Variants in MAP3K14 observed in about 807,000 individuals in gnomAD.
MAP3K14 encodes the protein mitogen-activated protein kinase kinase kinase 14, also known as NF-kappa-beta-inducing kinase.
Under a neutral mutation model 99.2 loss-of-function variants are expected in MAP3K14, and 16 were observed. The observed-to-expected ratio is 0.16, with a 90% CI of 0.11 to 0.24. The LOEUF (loss-of-function observed/expected upper bound fraction) is 0.24. Ranked by LOEUF, MAP3K14 falls within the 10% of genes least tolerant of loss-of-function variation. MAP3K14 has a pLI of 1.00. For synonymous variants in MAP3K14, 462 were observed against 492.4 expected (o/e 0.94, Z 0.82); for missense variants, 784 against 1,208.7 (o/e 0.65, Z 5.21).
chr17:45,266,293 G>A, intron 14 of MAP3K14: 1 of 432,008 alleles, frequency 2.3e-6, no homozygotes, highest in Non-Finnish European at 4.1e-6. Context: ...AACCTTCTGG[G>A]ACTCCATCAA....
intron 1 of MAP3K14, among the ~76,000 whole-genome samples, chr17:45,308,870 T>G (rs2044449880): frequency 6.6e-6 from 1 of 152,162 alleles, no homozygotes; most frequent in African/African-American, 2.4e-5. Context: ...TCTCACCATG[T>G]TGGCCAGGCT....
At chr17:45,297,019 C>T (rs534481899) in intron 1 of MAP3K14, among the ~76,000 whole-genome samples, 3 of 152,302 alleles carry the variant, frequency 2.0e-5, no homozygotes, top group Middle Eastern at 3.4e-3. Context: ...TTAATGCATT[C>T]CACACCAACC....
intron 1 of MAP3K14, among the ~76,000 whole-genome samples, chr17:45,304,846 T>G (rs554101559): frequency 6.6e-6 from 1 of 152,288 alleles, no homozygotes; most frequent in African/African-American, 2.4e-5. Context: ...TGTGTGACCA[T>G]GGGCAGGTCA....
At chr17:45,301,570 T>C (rs990284273) in intron 1 of MAP3K14, among the ~76,000 whole-genome samples, 4 of 152,150 alleles carry the variant, frequency 2.6e-5, no homozygotes, top group Non-Finnish European at 1.5e-5. Flanking sequence ...GGAACATCCA[T>C]TAAAAATGTT....
In MAP3K14 at chr17:45,289,143, C is replaced by CG. The variant is rs2044291264; in HGVS notation, c.326+92dup. The CG allele has an allele frequency of 4.5e-6, 5 of 1,106,118 alleles. No individual in the cohort carries two copies. The South Asian group carries it at 6.8e-5, about 15-fold the overall frequency. The allele number at this position is 1,106,118 out of a possible 1,614,324, so 68.5% of individuals were successfully genotyped here. On this transcript the variant is annotated intron_variant, in intron 3 of 15. Coordinates refer to ENST00000344686, the MANE Select transcript of MAP3K14 (RefSeq NM_003954.5). ...ACCACAGGTGCTGAGGGAGGGAGCC[C>CG]GGGGTCAGCAGGAGCGGCCCAGGCA... is the stretch of plus-strand genomic sequence containing the variant.
At chr17:45,295,862 G>A (rs1166810185) in intron 1 of MAP3K14, among the ~76,000 whole-genome samples, 3 of 152,194 alleles carry the variant, frequency 2.0e-5, no homozygotes, top group Non-Finnish European at 4.4e-5. Flanking sequence ...GCTACTAAAA[G>A]CCATCACTGA....
chr17:45,284,240 G>A (rs1248298247), intron 6 of MAP3K14, among the ~76,000 whole-genome samples: 5 of 152,242 alleles, frequency 3.3e-5, no homozygotes, highest in African/African-American at 9.6e-5. Context: ...GACCTGGTCT[G>A]ATTCAGGGCT....
rs966864001 is a variant in MAP3K14, at chr17:45,288,871, G to GC, written c.326+364dup. ...TTTCTCCCATAGAGGACAGTGGAAGGCCCCCCCCACCAACCCGGCCTGCGC... is the reference window on the plus strand; with the variant it reads ...TTTCTCCCATAGAGGACAGTGGAAGGCCCCCCCCCACCAACCCGGCCTGCGC... On this transcript the variant is annotated intron_variant, in intron 3 of 15. Coordinates refer to ENST00000344686, the MANE Select transcript of MAP3K14 (RefSeq NM_003954.5). Among the ~76,000 whole-genome samples, 128 of 151,622 alleles carry GC rather than the reference G, an allele frequency of 8.4e-4. 1 individual carries two copies. The highest frequency in any genetic ancestry group is 1.3e-3 in the Non-Finnish European group (89 of 67,830).
intron 1 of MAP3K14, among the ~76,000 whole-genome samples, chr17:45,295,271 A>G (rs1296929016): frequency 4.6e-5 from 7 of 151,904 alleles, no homozygotes; most frequent in Non-Finnish European, 1.0e-4. Flanking sequence ...GTCAAATGAA[A>G]TCATACCTCA....
Position 45,279,692 on chromosome 17 carries a change from G to C in MAP3K14, c.1291-5099C>G, listed in dbSNP as rs546926839. 1.5e-4 allele frequency among the ~76,000 whole-genome samples: 23 copies of C among 152,028 alleles called. 1 individual carries two copies. In the East Asian group the frequency reaches 4.4e-3, roughly 29 times the overall value. On this transcript the variant is annotated intron_variant, in intron 6 of 15. Coordinates refer to ENST00000344686, the MANE Select transcript of MAP3K14 (RefSeq NM_003954.5). ...CCCACCTCGGCCTCCCAAAGTGCTGGGATTACAGACGTGAGCCACCGCACC... is the reference window on the plus strand; with the variant it reads ...CCCACCTCGGCCTCCCAAAGTGCTGCGATTACAGACGTGAGCCACCGCACC...
Position 45,286,088 on chromosome 17 carries a change from T to G in MAP3K14, c.1152+343A>C, listed in dbSNP as rs977552228. 1.3e-5 allele frequency among the ~76,000 whole-genome samples: 2 copies of G among 151,122 alleles called. No individual in the cohort carries two copies. Among genetic ancestry groups the G allele is most frequent in the African/African-American group, 4.9e-5 (2 of 41,178 alleles). ...AAGAGGAAAAAGGGAAGGAGGTGGG[T>G]GGTGAAAACAGGTCCCATCCTCATC... On this transcript the variant is annotated intron_variant, in intron 5 of 15. Coordinates refer to ENST00000344686, the MANE Select transcript of MAP3K14 (RefSeq NM_003954.5). The surrounding 1 kb of genome is among the most constrained non-coding windows in gnomAD (Gnocchi z 4.1).
At chr17:45,269,310 C>G (rs569900787) in intron 11 of MAP3K14, among the ~76,000 whole-genome samples, 1 of 152,286 alleles carries the variant, frequency 6.6e-6, no homozygotes, top group African/African-American at 2.4e-5. Flanking sequence ...CTGCTCCCGG[C>G]CTGTCTTTAT....
Position 45,287,179 on chromosome 17 carries a change from TGCTCAGGGG to T in MAP3K14, c.503_511del (p.Thr168_Gln171delinsLys). ...CTGCACTGGGATGGTGCAGCTCTCCTGCTCAGGGGTCCTGGGGAGGGGTTTGGCCAAGGC... is the reference window on the plus strand; with the variant it reads ...CTGCACTGGGATGGTGCAGCTCTCCTTCCTGGGGAGGGGTTTGGCCAAGGC... On this transcript the variant is annotated inframe_deletion, in exon 4 of 16. Coordinates refer to ENST00000344686, the MANE Select transcript of MAP3K14 (RefSeq NM_003954.5). 1 of 1,613,874 alleles carries T rather than the reference TGCTCAGGGG, an allele frequency of 6.2e-7. No individual in the cohort carries two copies. The highest frequency in any genetic ancestry group is 8.5e-7 in the Non-Finnish European group (1 of 1,179,804).
In MAP3K14 at chr17:45,290,562, T is replaced by A; in HGVS notation, c.184A>T (p.Ile62Phe). Reference protein sequence around the residue: ...CGKWEILNDVITKGTAKEGSE... With the variant: ...CGKWEILNDVFTKGTAKEGSE... Reference sequence around the variant, plus strand: ...CCTTCCTTGGCTGTGCCCTTGGTAATCACGTCATTCAGGATCTCCCACTTT... The same window carrying A: ...CCTTCCTTGGCTGTGCCCTTGGTAAACACGTCATTCAGGATCTCCCACTTT... The change falls in exon 2 of 16, where the codon ATT (isoleucine) becomes TTT (phenylalanine). Residue 62 changes from isoleucine (I) to phenylalanine (F), a missense_variant. By Grantham distance (21) the Ile-to-Phe change is conservative. Coordinates refer to ENST00000344686, the MANE Select transcript of MAP3K14 (RefSeq NM_003954.5). The A allele has an allele frequency of 6.2e-7, 1 of 1,613,858 alleles. No individual in the cohort carries two copies. Among genetic ancestry groups the A allele is most frequent in the Non-Finnish European group, 8.5e-7 (1 of 1,179,884 alleles).
rs113136467 is a variant in MAP3K14, at chr17:45,265,272, C to T, written c.2579-9G>A. ...TATTTGGACTTTCACACCTAGAAGG[C>T]GGACAAGGTGATAGTCAGGAGAGCG... On this transcript the variant is annotated splice_polypyrimidine_tract_variant and intron_variant, in intron 14 of 15. Transcript: ENST00000344686. 2.6e-5 allele frequency: 41 copies of T among 1,586,370 alleles called. No homozygotes were observed. The highest frequency in any genetic ancestry group is 8.3e-5 in the Admixed American group (5 of 59,966).
chr17:45,303,839 C>T (rs2044409454), intron 1 of MAP3K14, among the ~76,000 whole-genome samples: 1 of 151,444 alleles, frequency 6.6e-6, no homozygotes, highest in African/African-American at 2.4e-5. Context: ...GCCTCGGCCT[C>T]CCAAAGTGCT....
Position 45,267,660 on chromosome 17 carries a change from C to G in MAP3K14, c.2072G>C (p.Arg691Thr), listed in dbSNP as rs538625946. 1 of 1,613,826 alleles carries G rather than the reference C, an allele frequency of 6.2e-7. No homozygotes were observed. The highest frequency in any genetic ancestry group is 2.2e-5 in the East Asian group (1 of 44,878). ...NYHQTLHAQP[R>T]ELSPRAPGPR... ...CCCTGGGGCCCTTGGCGAAAGCTCT[C>G]TCGGCTGGGCATGGAGGGTCTGGTG... Residue 691 changes from arginine to threonine, a missense_variant, in exon 12 of 16, where the codon AGA (arginine) becomes ACA (threonine). Arg to Thr is a moderately conservative substitution (Grantham distance 71, BLOSUM62 -1). Around this residue, in one of 5 missense-constraint regions of MAP3K14, gnomAD observed 128 missense variants for 143.3 expected, o/e 0.89. Coordinates refer to ENST00000344686, the MANE Select transcript of MAP3K14 (RefSeq NM_003954.5). This position sits in a 1 kb window ranked among gnomAD's most constrained non-coding sequence, Gnocchi z 5.1.
intron 1 of MAP3K14, among the ~76,000 whole-genome samples, chr17:45,299,387 T>G (rs1429050491): frequency 6.6e-6 from 1 of 151,820 alleles, no homozygotes; most frequent in East Asian, 1.9e-4. Context: ...ACTGTGTCTT[T>G]ATGAAAATAA....
rs552188652 is a variant in MAP3K14, at chr17:45,283,843, C to T, written c.1290+969G>A. On this transcript the variant is annotated intron_variant, in intron 6 of 15. Coordinates refer to ENST00000344686, the MANE Select transcript of MAP3K14 (RefSeq NM_003954.5). ...GGGCCAAGGGGATGGTCCACAGAAA[C>T]GCGCCTTAGGTCCTGGTGCTGGCTT... Among the ~76,000 whole-genome samples the T allele has an allele frequency of 1.6e-4, 24 of 152,298 alleles. No individual in the cohort carries two copies. The South Asian group carries it at 1.7e-3, about 11-fold the overall frequency.
Sources: gnomAD v4.1 joint callset for allele counts (sites outside exome capture counted in the v4.1 genomes callset) on GRCh38, gnomAD v4.1.1 for gene constraint, gnomAD v4.1.1 regional missense constraint, Gnocchi (gnomAD v3.1) non-coding constraint, MANE v1.5 for transcripts, NCBI Gene and HGNC (gene_info 2026-07-23, HGNC 2026-07-21) for gene names.